The following NUP43 variants were observed in gnomAD, a reference collection of about 807,000 sequenced individuals.
The protein encoded by NUP43 is nucleoporin 43, also known as nucleoporin Nup43.
In NUP43, 32 loss-of-function variants were observed where a neutral mutation model predicts 47.3. The ratio of observed to expected loss-of-function variants is 0.68; its 90% confidence interval spans 0.51 to 0.91. The LOEUF is 0.91. NUP43 is among the 40% of genes least tolerant of loss of function. The pLI is 0.00. For synonymous variants in NUP43, 147 were observed against 158.4 expected (o/e 0.93, Z 0.54); for missense variants, 444 against 453.9 (o/e 0.98, Z 0.20).
intron 4 of NUP43, among the ~76,000 whole-genome samples, chr6:149,740,275 C>CAAAAAA (rs766447484): frequency 8.9e-5 from 2 of 22,432 alleles, no homozygotes; most frequent in Non-Finnish European, 7.3e-5. Context: ...GACCCTGTCT[C>CAAAAAA]AAAAAAAAAA....
chr6:149,747,322 A>G (rs1350148825), upstream of NUP43, among the ~76,000 whole-genome samples: 1 of 151,952 alleles, frequency 6.6e-6, no homozygotes, highest in Non-Finnish European at 1.5e-5. Context: ...CTGTGGCCCA[A>G]GCTGGAGTGC....
intron 1 of NUP43, 48 bp downstream of exon 1, chr6:149,746,328 A>G (rs890795258): frequency 1.2e-6 from 2 of 1,603,882 alleles, no homozygotes; most frequent in African/African-American, 1.3e-5. Context: ...GGTCAGCTCA[A>G]CCGGAGAGAG....
chr6:149,738,633 C>A lies in NUP43; in HGVS notation c.638+10G>T. 1 of 1,541,274 alleles carries A rather than the reference C, an allele frequency of 6.5e-7. No homozygotes were observed. Among genetic ancestry groups the A allele is most frequent in the South Asian group, 1.3e-5 (1 of 76,418 alleles). ...GGATTACATTACTGAAATTACAAAT[C>A]AACACTTACAGTGACAATATCTGAG... On this transcript the variant is annotated intron_variant, in intron 5 of 7. Coordinates refer to ENST00000340413, the MANE Select transcript of NUP43 (RefSeq NM_198887.3).
chr6:149,749,326 A>T (rs1786189947), upstream of NUP43: 3 of 190,436 alleles, frequency 1.6e-5, no homozygotes, highest in Non-Finnish European at 3.2e-5. Flanking sequence ...TGGGCGAGGT[A>T]GGACGGATGA....
At chr6:149,746,709 G>A (rs768549628), upstream of NUP43, 5 of 1,506,682 alleles carry the variant, frequency 3.3e-6, no homozygotes, top group African/African-American at 4.2e-5. Context: ...AAAGGCAAGA[G>A]CGCTTTGGCC....
At chr6:149,727,980 T>A in intron 7 of NUP43, 2 of 985,422 alleles carry the variant, frequency 2.0e-6, no homozygotes, top group Non-Finnish European at 2.4e-6. Context: ...CAAGTCCCTA[T>A]GTCTTGAAGC....
In NUP43 at chr6:149,727,141, T is replaced by G; in HGVS notation, c.971A>C (p.Gln324Pro). The change falls in exon 8 of 8, where the codon CAG becomes CCG. Residue 324 changes from glutamine (Q) to proline (P), a missense_variant. By Grantham distance (76) the Gln-to-Pro change is moderately conservative. Coordinates refer to ENST00000340413, the MANE Select transcript of NUP43 (RefSeq NM_198887.3). ...GCTGAGCCAGGAGCTAATGACAGAC[T>G]GGTGAACATTAGCTTGGTTACTAAT... is the stretch of plus-strand genomic sequence containing the variant. ...HSISNQANVHQSVISSWLSTD... is the reference protein window; with the variant it reads ...HSISNQANVHPSVISSWLSTD... 6.2e-7 allele frequency: 1 copy of G among 1,614,136 alleles called. No homozygotes were observed. The highest frequency in any genetic ancestry group is 8.5e-7 in the Non-Finnish European group (1 of 1,180,026).
rs1260789697 is a variant in NUP43 at position 149,745,964 on chromosome 6, G to C, written c.219C>G (p.His73Gln). Residue 73 changes from histidine (H) to glutamine (Q), a missense_variant, in exon 2 of 8, where the codon CAC (histidine) becomes CAG (glutamine). By Grantham distance (24) the His-to-Gln change is conservative. Transcript: ENST00000340413. Reference sequence around the variant, plus strand: ...CCTGTAAATCCATTACATCACCATGGTGTCTGATATCACACAATAACTGAT... The same window carrying C: ...CCTGTAAATCCATTACATCACCATGCTGTCTGATATCACACAATAACTGAT... ...GDHQLLCDIR[H>Q]HGDVMDLQFF... The C allele has an allele frequency of 2.5e-6, 4 of 1,612,574 alleles. No individual in the cohort carries two copies. Among genetic ancestry groups the C allele is most frequent in the African/African-American group, 2.7e-5 (2 of 74,836 alleles).
rs961376015 is a variant in NUP43, at chr6:149,724,909, G to A, written c.*2060C>T. ...TGGCCACCATATGTTTTTAAGTATA[G>A]GTTGGATGATAATTTGTTGGGAATA... On this transcript the variant is annotated 3_prime_UTR_variant, in exon 8 of 8. Coordinates refer to ENST00000340413, the MANE Select transcript of NUP43 (RefSeq NM_198887.3). The A allele has an allele frequency of 2.0e-5, 3 of 151,990 alleles. No homozygotes were observed. The highest frequency in any genetic ancestry group is 7.2e-5 in the African/African-American group (3 of 41,390). The allele number at this position is 151,990 out of a possible 1,614,324, so 9.4% of individuals were successfully genotyped here.
intron 6 of NUP43, among the ~76,000 whole-genome samples, chr6:149,735,621 C>T (rs1352222717): frequency 1.6e-5 from 1 of 62,866 alleles, no homozygotes; most frequent in African/African-American, 9.3e-5. Flanking sequence ...AAAAAAAAAA[C>T]ACACACAGAG....
In NUP43 at chr6:149,724,757, T is replaced by G. The variant is rs1397244883; in HGVS notation, c.*2212A>C. 6.6e-6 allele frequency: 1 copy of G among 152,200 alleles called. No individual in the cohort carries two copies. Among genetic ancestry groups the G allele is most frequent in the Admixed American group, 6.6e-5 (1 of 15,266 alleles). 9.4% of individuals were successfully genotyped at this position (152,200 alleles called of 1,614,324 possible). A position where few individuals can be genotyped will look rare whatever the true frequency, so the allele number is the denominator to read the frequency against. On this transcript the variant is annotated 3_prime_UTR_variant, in exon 8 of 8. Coordinates refer to ENST00000340413, the MANE Select transcript of NUP43 (RefSeq NM_198887.3). The stretch of plus-strand genomic sequence containing the variant: ...TGCCACCACGCCCGGTTAATTTTTT[T>G]TTTGCATTTTTAGTGGAGACGGGGT...
intron 1 of NUP43, 80 bp from the exon 2 acceptor site, chr6:149,746,142 T>C (rs2115170230): frequency 1.3e-6 from 2 of 1,514,284 alleles, no homozygotes; most frequent in Non-Finnish European, 1.8e-6. Flanking sequence ...CGTCCGGAAA[T>C]GTTGCTCCAA....
In NUP43 at chr6:149,743,599, A is replaced by C. The variant is rs761642627; in HGVS notation, c.321+39T>G. 3 of 625,404 alleles carry C rather than the reference A, an allele frequency of 4.8e-6. No individual in the cohort carries two copies. In the East Asian group the frequency reaches 3.6e-4, roughly 75 times the overall value. The allele number at this position is 625,404 out of a possible 1,614,324, so 38.7% of individuals were successfully genotyped here. On this transcript the variant is annotated intron_variant, in intron 3 of 7. Coordinates refer to ENST00000340413, the MANE Select transcript of NUP43 (RefSeq NM_198887.3). ...GCAACAAGAGCAAAACTCCATTTCA[A>C]AAAAAAAAAAAATCACTTCTCAAAC...
chr6:149,735,436 A>C (rs934717710), intron 6 of NUP43, among the ~76,000 whole-genome samples: 1 of 151,908 alleles, frequency 6.6e-6, no homozygotes, highest in Non-Finnish European at 1.5e-5. Flanking sequence ...TACTTCTAAA[A>C]AATTATCCTA....
At chr6:149,732,361 C>A (rs530069876) in intron 6 of NUP43, among the ~76,000 whole-genome samples, 2 of 147,170 alleles carry the variant, frequency 1.4e-5, no homozygotes, top group East Asian at 2.1e-4. Flanking sequence ...GCCTGGCCAA[C>A]GTGGTGAAAC....
At chr6:149,743,073 G>T (rs900326076) in intron 3 of NUP43, among the ~76,000 whole-genome samples, 1 of 151,950 alleles carries the variant, frequency 6.6e-6, no homozygotes, top group Non-Finnish European at 1.5e-5. Context: ...CTACTTGAAA[G>T]GCTGAGGTGT....
At chr6:149,742,200 A>T (rs1258078778) in intron 4 of NUP43, among the ~76,000 whole-genome samples, 190 bp downstream of exon 4, 2 of 152,104 alleles carry the variant, frequency 1.3e-5, no homozygotes, top group Non-Finnish European at 2.9e-5. Flanking sequence ...CAAATTCTGT[A>T]GTTTTAGTAG....
chr6:149,728,349 G>A (rs1582956693), intron 7 of NUP43: 1 of 984,984 alleles, frequency 1.0e-6, no homozygotes, highest in Non-Finnish European at 1.2e-6. Flanking sequence ...TGCGGTTAGG[G>A]GAGGAAGGAA....
Position 149,724,839 on chromosome 6 carries a change from T to A in NUP43, c.*2130A>T, listed in dbSNP as rs1256963340. 1 of 152,104 alleles carries A rather than the reference T, an allele frequency of 6.6e-6. No individual in the cohort carries two copies. The highest frequency in any genetic ancestry group is 2.4e-5 in the African/African-American group (1 of 41,430). 9.4% of individuals were successfully genotyped at this position (152,104 alleles called of 1,614,324 possible). Reference sequence around the variant, plus strand: ...CTTGACCTCAGGTGCTTCACCCACCTCGGCCTCCCAAAGTGCTAGCATTAC... The same window carrying A: ...CTTGACCTCAGGTGCTTCACCCACCACGGCCTCCCAAAGTGCTAGCATTAC... On this transcript the variant is annotated 3_prime_UTR_variant, in exon 8 of 8. Coordinates refer to ENST00000340413, the MANE Select transcript of NUP43 (RefSeq NM_198887.3).
Sources: allele counts gnomAD v4.1 joint callset (sites outside exome capture counted in the v4.1 genomes callset), GRCh38; gene constraint gnomAD v4.1.1; transcripts MANE v1.5; gene names NCBI Gene and HGNC (gene_info 2026-07-23, HGNC 2026-07-21).